BARD1: variants seen among roughly 807,000 people sequenced by gnomAD.
BARD1 encodes the protein BRCA1-associated RING domain protein 1.
In BARD1, 73 loss-of-function variants were observed where a neutral mutation model predicts 77.0. That is an observed-to-expected ratio of 0.95 (90% CI 0.79 to 1.15). BARD1 has a LOEUF of 1.15. Among genes scored for constraint, BARD1 ranks in the 50% most tolerant of loss-of-function variants. The pLI is 0.00. For synonymous variants in BARD1, 384 were observed against 338.0 expected (o/e 1.14, Z -1.49); for missense variants, 993 against 938.8 (o/e 1.06, Z -0.75).
In BARD1 at chr2:214,784,760, G is replaced by A. The variant is rs192071982; in HGVS notation, c.365-3251C>T. Among the ~76,000 whole-genome samples, 284 of 152,160 alleles carry A rather than the reference G, an allele frequency of 1.9e-3. 1 individual carries two copies. Among genetic ancestry groups the A allele is most frequent in the African/African-American group, 6.7e-3 (278 of 41,508 alleles). On this transcript the variant is annotated intron_variant, in intron 3 of 10. Transcript: ENST00000260947. The stretch of plus-strand genomic sequence containing the variant: ...ATGAAGCTGGAAACCATCATTCTCA[G>A]CAAACTAACACAGGAACAGAAAACC...
intron 6 of BARD1, among the ~76,000 whole-genome samples, chr2:214,753,226 C>T (rs1228426998): frequency 6.6e-6 from 1 of 152,102 alleles, no homozygotes; most frequent in African/African-American, 2.4e-5. Context: ...AGAACAAGTT[C>T]CAATGGCTTA....
chr2:214,796,290 C>T (rs1695750817), intron 2 of BARD1, among the ~76,000 whole-genome samples: 1 of 152,050 alleles, frequency 6.6e-6, no homozygotes, highest in Non-Finnish European at 1.5e-5. Flanking sequence ...AATTGTGTCC[C>T]CCAAAAAGAT....
chr2:214,738,627 A>G (rs1692671929), intron 9 of BARD1, among the ~76,000 whole-genome samples: 1 of 152,112 alleles, frequency 6.6e-6, no homozygotes, highest in Admixed American at 6.5e-5. Flanking sequence ...TCCTATAATA[A>G]AAAAAGATAA....
chr2:214,749,833 T>C lies in BARD1; in HGVS notation c.1677+2614A>G, dbSNP rs140359457. On this transcript the variant is annotated intron_variant, in intron 7 of 10. Coordinates refer to ENST00000260947, the MANE Select transcript of BARD1 (RefSeq NM_000465.4). ...ACCCTGGGGCAAATCATAGCCTCTT[T>C]AGGTCTCACTTTTCTCATTTGTAAA... is the stretch of plus-strand genomic sequence containing the variant. Among the ~76,000 whole-genome samples, 864 of 152,096 alleles carry C rather than the reference T, an allele frequency of 5.7e-3. 4 individuals are homozygous for C. Among genetic ancestry groups the C allele is most frequent in the South Asian group, 0.012 (57 of 4,812 alleles).
At chr2:214,745,655 A>G in intron 8 of BARD1, 67 bp downstream of exon 8, 3 of 1,551,086 alleles carry the variant, frequency 1.9e-6, no homozygotes, top group Non-Finnish European at 2.7e-6. Context: ...TATCAAAGGT[A>G]GTTCTCCAAA....
Position 214,804,458 on chromosome 2 carries a change from CATAA to C in BARD1, c.158+4950_158+4953del, listed in dbSNP as rs1224610856. ...GAGACAGACATCACTCAAAATATTC[CATAA>C]ATAAATAAATCTCACAAATAAATTC... On this transcript the variant is annotated intron_variant, in intron 1 of 10. Coordinates refer to ENST00000260947, the MANE Select transcript of BARD1 (RefSeq NM_000465.4). Among the ~76,000 whole-genome samples the C allele has an allele frequency of 2.6e-5, 4 of 152,126 alleles. No individual in the cohort carries two copies. The South Asian group carries it at 6.2e-4, about 24-fold the overall frequency.
intron 3 of BARD1, among the ~76,000 whole-genome samples, chr2:214,789,507 T>A (rs1182530723): frequency 6.6e-6 from 1 of 151,992 alleles, no homozygotes; most frequent in Admixed American, 6.6e-5. Flanking sequence ...ATGGCCCCAA[T>A]GCACTCCATC....
At chr2:214,801,243 AATGTTT>A (rs1222656929) in intron 1 of BARD1, among the ~76,000 whole-genome samples, 1 of 152,188 alleles carries the variant, frequency 6.6e-6, no homozygotes, top group East Asian at 1.9e-4. Context: ...AAACAACCTA[AATGTTT>A]CCAATAAGGA....
At position 214,803,622 on chromosome 2, in the gene BARD1, T is replaced by A. The variant is rs544996233; in HGVS notation, c.158+5790A>T. Among the ~76,000 whole-genome samples, 230 of 152,326 alleles carry A rather than the reference T, an allele frequency of 1.5e-3. 1 individual carries two copies. The highest frequency in any genetic ancestry group is 4.9e-3 in the African/African-American group (203 of 41,576). ...GTTTGTCTGCTGACCCTCTCCCCACTATTGTCTTGTGACCCTGACACATCC... is the reference window on the plus strand; with the variant it reads ...GTTTGTCTGCTGACCCTCTCCCCACAATTGTCTTGTGACCCTGACACATCC... On this transcript the variant is annotated intron_variant, in intron 1 of 10. Coordinates refer to ENST00000260947, the MANE Select transcript of BARD1 (RefSeq NM_000465.4).
At chr2:214,805,094 G>A (rs1043889137) in intron 1 of BARD1, among the ~76,000 whole-genome samples, 2 of 152,038 alleles carry the variant, frequency 1.3e-5, no homozygotes, top group Admixed American at 6.6e-5. Context: ...CTGGCAGGCG[G>A]AGGTTGCAGT....
intron 9 of BARD1, among the ~76,000 whole-genome samples, chr2:214,732,423 T>C (rs560121972): frequency 1.5e-3 from 224 of 150,836 alleles, no homozygotes; most frequent in African/African-American, 5.2e-3. Flanking sequence ...TGAGACAGAG[T>C]CTTGCACTGT....
rs5031006 is a variant in BARD1, at chr2:214,767,396, G to T, written c.1568+86C>A. The T allele has an allele frequency of 5.2e-3, 6,694 of 1,286,300 alleles. 177 individuals carry two copies. The African/African-American group carries it at 0.079, about 15-fold the overall frequency. The allele number at this position is 1,286,300 out of a possible 1,614,324, so 79.7% of individuals were successfully genotyped here. A position where few individuals can be genotyped will look rare whatever the true frequency, so the allele number is the denominator to read the frequency against. On this transcript the variant is annotated intron_variant, in intron 6 of 10. Coordinates refer to ENST00000260947, the MANE Select transcript of BARD1 (RefSeq NM_000465.4). ...TGAAAGTGAAGAAAGCCATCAACTT[G>T]ACTATTTTAAAGTCTGCTTTATCAC...
chr2:214,786,554 A>G (rs1695286202), intron 3 of BARD1, among the ~76,000 whole-genome samples: 1 of 152,014 alleles, frequency 6.6e-6, no homozygotes, highest in Non-Finnish European at 1.5e-5. Context: ...TTAAACAGGT[A>G]AGAAGAAATG....
At position 214,806,855 on chromosome 2, in the gene BARD1, C is replaced by T. The variant is rs1246975088; in HGVS notation, c.158+2557G>A. ...TGCCACTGCACTCCAGCTTGGGTGACAGAGTGAAACTTTGCCTAGGGAAAA... is the reference window on the plus strand; with the variant it reads ...TGCCACTGCACTCCAGCTTGGGTGATAGAGTGAAACTTTGCCTAGGGAAAA... On this transcript the variant is annotated intron_variant, in intron 1 of 10. Transcript: ENST00000260947. Among the ~76,000 whole-genome samples the T allele has an allele frequency of 5.3e-5, 6 of 112,670 alleles. No homozygotes were observed. The Admixed American group carries it at 6.2e-4, about 12-fold the overall frequency. The allele number at this position is 112,670 out of a possible 152,430, so 73.9% of individuals were successfully genotyped here. A position where few individuals can be genotyped will look rare whatever the true frequency, so the allele number is the denominator to read the frequency against.
chr2:214,751,672 T>C (rs1037407792), intron 7 of BARD1, among the ~76,000 whole-genome samples: 2 of 152,192 alleles, frequency 1.3e-5, no homozygotes, highest in Non-Finnish European at 2.9e-5. Context: ...CAGACTTTCA[T>C]ATCCAATTAT....
chr2:214,728,715 GTCTA>G lies in BARD1; in HGVS notation c.2291_2294del (p.Ile764ThrfsTer3). On this transcript the variant is annotated frameshift_variant, in exon 11 of 11. Transcript: ENST00000260947. LOFTEE classifies it high-confidence loss of function. Reference sequence around the variant, plus strand: ...GAAGCAACTCAAAGGACATCACACAGTCTATAAACCAGCTCGAAGGAGCCTTCCA... The same window carrying G: ...GAAGCAACTCAAAGGACATCACACAGTAAACCAGCTCGAAGGAGCCTTCCA... The G allele has an allele frequency of 6.2e-7, 1 of 1,614,158 alleles. No individual in the cohort carries two copies. Among genetic ancestry groups the G allele is most frequent in the Non-Finnish European group, 8.5e-7 (1 of 1,180,010 alleles).
chr2:214,761,837 A>G (rs12329196), intron 6 of BARD1, among the ~76,000 whole-genome samples: 67,444 of 151,888 alleles, frequency 0.44, 15,051 homozygotes, highest in South Asian at 0.5. Flanking sequence ...AAGGAAGAAC[A>G]AAACAAGCAA....
At chr2:214,747,762 C>G (rs974579385) in intron 7 of BARD1, among the ~76,000 whole-genome samples, 1 of 148,720 alleles carries the variant, frequency 6.7e-6, no homozygotes, top group Non-Finnish European at 1.5e-5. Flanking sequence ...TGCTAAATGA[C>G]GAGTTAATGG....
At chr2:214,804,217 A>G (rs149199582) in intron 1 of BARD1, among the ~76,000 whole-genome samples, 1 of 152,340 alleles carries the variant, frequency 6.6e-6, no homozygotes, top group East Asian at 1.9e-4. Flanking sequence ...TAACAAGTAA[A>G]GTATATGGAT....
Sources: allele counts gnomAD v4.1 joint callset (sites outside exome capture counted in the v4.1 genomes callset), GRCh38; gene constraint gnomAD v4.1.1; transcripts MANE v1.5; gene names NCBI Gene and HGNC (gene_info 2026-07-23, HGNC 2026-07-21).